Variants in PABPC4L observed in about 807,000 individuals in gnomAD.
PABPC4L encodes polyadenylate-binding protein 4-like.
For synonymous variants in PABPC4L, 169 were observed against 164.1 expected, an observed-to-expected ratio of 1.03 and a Z score of -0.23; for missense variants, 452 against 451.4, an observed-to-expected ratio of 1.00 and a Z score of -0.01.
Position 134,200,531 on chromosome 4 carries a change from C to T in PABPC4L, c.489G>A (p.Lys163=), listed in dbSNP as rs1463640592. 3.9e-6 allele frequency: 6 copies of T among 1,551,512 alleles called. No individual in the cohort carries two copies. In the African/African-American group the frequency reaches 6.8e-5, roughly 18 times the overall value. Residue 163 remains lysine, a synonymous_variant, in exon 2 of 2, where the codon AAG becomes AAA. Transcript: ENST00000421491. Reference sequence around the variant, plus strand: ...ATCTGCCAACAAACACCTTGCAGCCCTTGAGTAGTTTTCCATTCATCTCCT... The same window carrying T: ...ATCTGCCAACAAACACCTTGCAGCCTTTGAGTAGTTTTCCATTCATCTCCT... The part of the protein sequence containing the change: ...AIEEMNGKLL[K]GCKVFVGRFK...
At chr4:134,067,891 T>C in the PABPC4L span, among the ~76,000 whole-genome samples, 2 of 152,256 alleles carry the variant, frequency 1.3e-5, no homozygotes, top group African/African-American at 2.4e-5. Flanking sequence ...TCTGAGAGTG[T>C]AGTTTTTATG....
the PABPC4L span, among the ~76,000 whole-genome samples, chr4:134,107,231 T>A: frequency 6.6e-6 from 1 of 151,462 alleles, no homozygotes; most frequent in Non-Finnish European, 1.5e-5. Flanking sequence ...AAAATCATTT[T>A]ATCATTATTC....
the PABPC4L span, among the ~76,000 whole-genome samples, chr4:133,969,847 C>T: frequency 1.3e-5 from 2 of 152,144 alleles, no homozygotes; most frequent in South Asian, 4.2e-4. Flanking sequence ...CTTCAGCTAT[C>T]CAGCTACCCT....
At chr4:134,153,639 T>C in the PABPC4L span, among the ~76,000 whole-genome samples, 1 of 145,396 alleles carries the variant, frequency 6.9e-6, no homozygotes, top group African/African-American at 2.6e-5. Context: ...ATATTTATTC[T>C]TTCTTTCTTT....
chr4:133,956,569 G>A, the PABPC4L span, among the ~76,000 whole-genome samples: 3 of 152,206 alleles, frequency 2.0e-5, no homozygotes, highest in African/African-American at 4.8e-5. Flanking sequence ...TTCTTGAAGC[G>A]GGTCATAAAA....
At chr4:134,033,078 C>A in the PABPC4L span, among the ~76,000 whole-genome samples, 1 of 147,076 alleles carries the variant, frequency 6.8e-6, no homozygotes, top group East Asian at 2.0e-4. Context: ...TCCAGCAAGT[C>A]TATAGGCACC....
the PABPC4L span, among the ~76,000 whole-genome samples, chr4:134,075,838 C>T: frequency 1.3e-5 from 2 of 152,074 alleles, no homozygotes; most frequent in South Asian, 2.1e-4. Flanking sequence ...CGTGGGTACT[C>T]CTGGACCATG....
At chr4:133,959,947 A>G in the PABPC4L span, among the ~76,000 whole-genome samples, 5 of 152,238 alleles carry the variant, frequency 3.3e-5, no homozygotes, top group Non-Finnish European at 5.9e-5. Context: ...ATATACATAA[A>G]TATTTACAAA....
the PABPC4L span, among the ~76,000 whole-genome samples, chr4:134,128,999 G>C: frequency 1.3e-5 from 2 of 151,840 alleles, no homozygotes; most frequent in Non-Finnish European, 2.9e-5. Flanking sequence ...CACGCAAAGG[G>C]GCACCTAAAC....
chr4:134,158,921 G>A, the PABPC4L span, among the ~76,000 whole-genome samples: 193 of 152,200 alleles, frequency 1.3e-3, 2 homozygotes, highest in Non-Finnish European at 1.6e-3. Context: ...TAAAATCTGC[G>A]TAGCATGTTA....
At chr4:134,173,042 CAAAAAGACAGGCAATAACA>C in the PABPC4L span, among the ~76,000 whole-genome samples, 2 of 143,482 alleles carry the variant, frequency 1.4e-5, no homozygotes, top group African/African-American at 5.2e-5. Context: ...CAGCTTTTAT[CAAAAAGACAGGCAATAACA>C]AATGCTGATG....
chr4:134,099,543 A>G, the PABPC4L span, among the ~76,000 whole-genome samples: 2 of 151,724 alleles, frequency 1.3e-5, no homozygotes, highest in Admixed American at 6.6e-5. Flanking sequence ...TTCTTCTGCT[A>G]CTTTTTATTT....
At chr4:134,161,621 G>T in the PABPC4L span, among the ~76,000 whole-genome samples, 3 of 152,012 alleles carry the variant, frequency 2.0e-5, no homozygotes, top group Non-Finnish European at 4.4e-5. Context: ...ACAAACAAAA[G>T]CTGAGGGATT....
chr4:134,045,725 T>A, the PABPC4L span, among the ~76,000 whole-genome samples: 2 of 152,214 alleles, frequency 1.3e-5, no homozygotes, highest in East Asian at 3.9e-4. Context: ...ACTACTATCC[T>A]CTGTCCTTTT....
At chr4:133,959,949 A>G in the PABPC4L span, among the ~76,000 whole-genome samples, 3 of 152,224 alleles carry the variant, frequency 2.0e-5, no homozygotes, top group African/African-American at 7.2e-5. Context: ...ATACATAAAT[A>G]TTTACAAAGA....
the PABPC4L span, among the ~76,000 whole-genome samples, chr4:134,131,040 C>A: frequency 6.6e-6 from 1 of 151,854 alleles, no homozygotes; most frequent in Non-Finnish European, 1.5e-5. Context: ...AGGGACATAC[C>A]TTAAGGTAAT....
chr4:134,138,234 A>G, the PABPC4L span, among the ~76,000 whole-genome samples: 1 of 151,842 alleles, frequency 6.6e-6, no homozygotes, highest in Admixed American at 6.6e-5. Context: ...AATATTTTGT[A>G]CTAGAATATT....
the PABPC4L span, among the ~76,000 whole-genome samples, chr4:134,134,479 ACAAAG>A: frequency 6.6e-6 from 1 of 151,924 alleles, no homozygotes; most frequent in African/African-American, 2.4e-5. Flanking sequence ...TTTTTACTAA[ACAAAG>A]CAAAGTAATT....
At chr4:134,079,260 A>G in the PABPC4L span, among the ~76,000 whole-genome samples, 2 of 150,760 alleles carry the variant, frequency 1.3e-5, no homozygotes, top group African/African-American at 4.9e-5. Flanking sequence ...TTGAGCCACC[A>G]CAACCAACCT....
Sources: gnomAD v4.1 joint callset for allele counts (sites outside exome capture counted in the v4.1 genomes callset) on GRCh38, gnomAD v4.1.1 for gene constraint, MANE v1.5 for transcripts, NCBI Gene and HGNC (gene_info 2026-07-23, HGNC 2026-07-21) for gene names.